GRIP1: variants seen among roughly 807,000 people sequenced by gnomAD.
The protein encoded by GRIP1 is glutamate receptor interacting protein 1, also known as glutamate receptor-interacting protein 1.
A neutral mutation model predicts 129.9 loss-of-function variants in GRIP1; 45 were observed. The observed-to-expected ratio is 0.35, with a 90% CI of 0.27 to 0.44. GRIP1 has a LOEUF of 0.44. GRIP1 is among the 20% of genes least tolerant of loss of function. The pLI is 1.00. For missense variants in GRIP1, 1,196 were observed against 1,396.8 expected (o/e 0.86, Z 2.29); for synonymous variants, 530 against 520.8 (o/e 1.02, Z -0.24).
At chr12:66,482,380 A>G (rs556572123) in intron 7 of GRIP1, among the ~76,000 whole-genome samples, 1 of 152,266 alleles carries the variant, frequency 6.6e-6, no homozygotes, top group South Asian at 2.1e-4. Context: ...TTCTCATTTG[A>G]CTTTATTTTA....
chr12:66,474,821 G>C (rs2059553916), intron 7 of GRIP1, among the ~76,000 whole-genome samples: 1 of 152,170 alleles, frequency 6.6e-6, no homozygotes. Context: ...AAGAGCTCCT[G>C]AAGGAATCAC....
chr12:66,790,317 G>A (rs1405874838), intron 1 of GRIP1, among the ~76,000 whole-genome samples: 1 of 152,110 alleles, frequency 6.6e-6, no homozygotes, highest in Non-Finnish European at 1.5e-5. Flanking sequence ...ATGAATATAA[G>A]TACTATGACA....
intron 1 of GRIP1, among the ~76,000 whole-genome samples, chr12:66,922,784 C>T (rs1052845242): frequency 1.3e-5 from 2 of 152,138 alleles, no homozygotes; most frequent in Non-Finnish European, 2.9e-5. Flanking sequence ...GGCCAGAACT[C>T]CAGCAATTAT....
intron 8 of GRIP1, among the ~76,000 whole-genome samples, chr12:66,464,818 C>CTGTTG (rs2059235543): frequency 6.6e-6 from 1 of 150,438 alleles, no homozygotes; most frequent in Non-Finnish European, 1.5e-5. Flanking sequence ...GGCAAGAGAA[C>CTGTTG]TGTGTGTGTG....
At chr12:66,933,271 C>G (rs1178819292) in intron 1 of GRIP1, among the ~76,000 whole-genome samples, 2 of 152,154 alleles carry the variant, frequency 1.3e-5, no homozygotes, top group African/African-American at 4.8e-5. Flanking sequence ...AGAGGAGCTG[C>G]ATAGAGGTTC....
intron 1 of GRIP1, among the ~76,000 whole-genome samples, chr12:66,912,539 T>G (rs1285958293): frequency 6.6e-6 from 1 of 152,152 alleles, no homozygotes; most frequent in African/African-American, 2.4e-5. Flanking sequence ...GATAAAATAC[T>G]TTTTAAGGGA....
chr12:66,441,037 G>A lies in GRIP1; in HGVS notation c.1687+3547C>T, dbSNP rs530004201. Among the ~76,000 whole-genome samples, 88 of 152,292 alleles carry A rather than the reference G, an allele frequency of 5.8e-4. 1 individual carries two copies. Among genetic ancestry groups the A allele is most frequent in the African/African-American group, 2.0e-3 (85 of 41,556 alleles). On this transcript the variant is annotated intron_variant, in intron 13 of 24. Transcript: ENST00000359742. ...CAAAATCCAGTTCCTAAAGCAGACA[G>A]CAAGCAGAGCATCTCTGTATTTGTC...
intron 1 of GRIP1, among the ~76,000 whole-genome samples, chr12:66,713,985 C>A (rs959723699): frequency 3.9e-5 from 6 of 152,000 alleles, no homozygotes; most frequent in African/African-American, 1.4e-4. Context: ...TAAATTCACC[C>A]TATTGCTCAC....
intron 1 of GRIP1, among the ~76,000 whole-genome samples, chr12:66,863,607 T>C (rs920413760): frequency 3.3e-5 from 5 of 151,978 alleles, no homozygotes; most frequent in African/African-American, 1.2e-4. Flanking sequence ...GAGAAGTGTA[T>C]GCTTGGAGTG....
At chr12:66,887,082 T>C (rs1209492052) in intron 1 of GRIP1, among the ~76,000 whole-genome samples, 1 of 152,234 alleles carries the variant, frequency 6.6e-6, no homozygotes, top group Admixed American at 6.5e-5. Flanking sequence ...CAATTAAAAC[T>C]GTGGTGCATG....
At chr12:66,723,130 A>AG (rs1366035785) in intron 1 of GRIP1, among the ~76,000 whole-genome samples, 1 of 150,874 alleles carries the variant, frequency 6.6e-6, no homozygotes, top group Admixed American at 6.6e-5. Context: ...AAAAAAAAAA[A>AG]GAACAAATGA....
At chr12:66,925,243 C>A (rs952838546) in intron 1 of GRIP1, among the ~76,000 whole-genome samples, 1 of 152,182 alleles carries the variant, frequency 6.6e-6, no homozygotes, top group Non-Finnish European at 1.5e-5. Flanking sequence ...TACATACACA[C>A]TCATGCCCAG....
chr12:67,029,236 G>A (rs534356035), intron 1 of GRIP1, among the ~76,000 whole-genome samples: 9 of 152,138 alleles, frequency 5.9e-5, no homozygotes, highest in Admixed American at 2.6e-4. Context: ...TCAGCCTCCC[G>A]ATAGCTAGCA....
At chr12:66,826,277 G>A (rs990054792) in intron 1 of GRIP1, among the ~76,000 whole-genome samples, 10 of 151,246 alleles carry the variant, frequency 6.6e-5, no homozygotes, top group African/African-American at 1.9e-4. Context: ...ACAGGGAGGG[G>A]AACATCACAC....
intron 4 of GRIP1, among the ~76,000 whole-genome samples, chr12:66,538,760 G>A (rs1187401969): frequency 1.3e-5 from 2 of 151,444 alleles, no homozygotes; most frequent in African/African-American, 4.9e-5. Flanking sequence ...GCACCACCAT[G>A]CCCGACTAAT....
chr12:66,945,535 A>G (rs1030770837), intron 1 of GRIP1, among the ~76,000 whole-genome samples: 1 of 151,930 alleles, frequency 6.6e-6, no homozygotes, highest in Non-Finnish European at 1.5e-5. Flanking sequence ...GTCCTCTCAC[A>G]TGGCAAAGGC....
chr12:66,821,678 C>T (rs1023650531), intron 1 of GRIP1, among the ~76,000 whole-genome samples: 11 of 152,150 alleles, frequency 7.2e-5, no homozygotes, highest in African/African-American at 2.4e-4. Flanking sequence ...TACATACTCA[C>T]ACTTCTGGGT....
At chr12:66,470,566 G>A (rs529685989) in intron 7 of GRIP1, among the ~76,000 whole-genome samples, 221 of 152,188 alleles carry the variant, frequency 1.5e-3, no homozygotes, top group Non-Finnish European at 2.5e-3. Flanking sequence ...CAGTGGACAC[G>A]ATGAAGAGGA....
chr12:66,809,954 C>T (rs1189837913), intron 1 of GRIP1, among the ~76,000 whole-genome samples: 7 of 152,078 alleles, frequency 4.6e-5, no homozygotes, highest in Non-Finnish European at 2.9e-5. Context: ...CCACACCTGG[C>T]TTAAACACAA....
Sources: allele counts gnomAD v4.1 joint callset (sites outside exome capture counted in the v4.1 genomes callset), GRCh38; gene constraint gnomAD v4.1.1; transcripts MANE v1.5; gene names NCBI Gene and HGNC (gene_info 2026-07-23, HGNC 2026-07-21).